CTNNB1: variants seen among roughly 807,000 people sequenced by gnomAD.
CTNNB1 encodes catenin beta-1.
A neutral mutation model predicts 82.5 loss-of-function variants in CTNNB1; 6 were observed. The observed-to-expected ratio is 0.07, with a 90% CI of 0.04 to 0.14. The LOEUF is 0.14. Ranked by LOEUF, CTNNB1 falls within the 10% of genes least tolerant of loss-of-function variation. The pLI is 1.00. For missense variants in CTNNB1, 529 were observed against 980.4 expected (o/e 0.54, Z 6.15); for synonymous variants, 312 against 329.7 (o/e 0.95, Z 0.58).
chr3:41,233,476 T>A (rs2125638289), intron 8 of CTNNB1, 32 bp downstream of exon 8: 1 of 1,613,498 alleles, frequency 6.2e-7, no homozygotes, highest in South Asian at 1.1e-5. Context: ...GCCATGGGAA[T>A]AGAGTCAAGA....
chr3:41,216,473 TAA>T (rs1167473739), intron 1 of CTNNB1, among the ~76,000 whole-genome samples: 1 of 152,226 alleles, frequency 6.6e-6, no homozygotes, highest in East Asian at 1.9e-4. Context: ...TTGACACATG[TAA>T]AGTGACATTT....
At chr3:41,222,193 G>T (rs1575311592) in intron 1 of CTNNB1, 1 of 152,350 alleles carries the variant, frequency 6.6e-6, no homozygotes, top group East Asian at 1.9e-4. Flanking sequence ...TTAGTCCAAA[G>T]GCTCAGGCCA....
rs747095467 is a variant in CTNNB1 at position 41,225,655 on chromosome 3, C to T, written c.735-5C>T. 4.3e-6 allele frequency: 7 copies of T among 1,614,066 alleles called. No homozygotes were observed. The East Asian group carries it at 1.3e-4, about 31-fold the overall frequency. On this transcript the variant is annotated splice_region_variant and splice_polypyrimidine_tract_variant and intron_variant, in intron 5 of 14. Coordinates refer to ENST00000349496, the MANE Select transcript of CTNNB1 (RefSeq NM_001904.4). The surrounding 1 kb of genome is among the most constrained non-coding windows in gnomAD (Gnocchi z 5.3). ...TTTCTGATGAGGCTTTTTTCTTCTT[C>T]CCAGTTCACCAGTGGATTCTGTGTT... is the stretch of plus-strand genomic sequence containing the variant.
rs2125657063 is a variant in CTNNB1 at position 41,240,424 on chromosome 3, A to ATTAAACTTTTAATTCATTC, written c.*1083_*1101dup. 1 of 180,300 alleles carries ATTAAACTTTTAATTCATTC rather than the reference A, an allele frequency of 5.5e-6. No homozygotes were observed. The highest frequency in any genetic ancestry group is 9.2e-5 in the East Asian group (1 of 10,924). The allele number at this position is 180,300 out of a possible 1,614,324, so 11.2% of individuals were successfully genotyped here. ...ATGCGGTTATAAAAAATGGTTCAGA[A>ATTAAACTTTTAATTCATTC]TTAAACTTTTAATTCATTCGATTGT... On this transcript the variant is annotated 3_prime_UTR_variant, in exon 15 of 15. Coordinates refer to ENST00000349496, the MANE Select transcript of CTNNB1 (RefSeq NM_001904.4).
At chr3:41,233,101 G>A (rs1268342014) in intron 7 of CTNNB1, 1 of 589,302 alleles carries the variant, frequency 1.7e-6, no homozygotes, top group African/African-American at 1.9e-5. Flanking sequence ...GATAACAAAG[G>A]CTTTTTCGGC....
At position 41,239,035 on chromosome 3, in the gene CTNNB1, T is replaced by G. The variant is rs1182558507; in HGVS notation, c.2138-99T>G. ...TTTCTGACAAGTTTGCTGCTGAACT[T>G]TGGATGCCCTAACCTCAGTGTTAAC... On this transcript the variant is annotated intron_variant, in intron 14 of 14. Transcript: ENST00000349496. The G allele has an allele frequency of 4.9e-6, 5 of 1,013,516 alleles. No homozygotes were observed. In the Admixed American group the frequency reaches 8.7e-5, roughly 18 times the overall value. The allele number at this position is 1,013,516 out of a possible 1,614,324, so 62.8% of individuals were successfully genotyped here. A position where few individuals can be genotyped will look rare whatever the true frequency, so the allele number is the denominator to read the frequency against.
intron 10 of CTNNB1, chr3:41,234,968 C>CA: frequency 6.4e-6 from 1 of 155,620 alleles, no homozygotes; most frequent in South Asian, 2.0e-4. Context: ...TGTATGTACT[C>CA]ATATTGGGGC....
intron 1 of CTNNB1, among the ~76,000 whole-genome samples, chr3:41,215,398 A>AC (rs1413509060): frequency 3.3e-5 from 5 of 150,464 alleles, no homozygotes; most frequent in Admixed American, 2.6e-4. Context: ...AAAAAAAAAA[A>AC]AAAAAACACT....
rs149407393 is a variant in CTNNB1, at chr3:41,230,282, C to T, written c.1081+2930C>T. 3.3e-5 allele frequency among the ~76,000 whole-genome samples: 5 copies of T among 152,212 alleles called. No individual in the cohort carries two copies. The East Asian group carries it at 7.7e-4, about 24-fold the overall frequency. Reference sequence around the variant, plus strand: ...TAACCTGTAATGTAGGCTAAAAATACAGATTTTGAGATTTATTTAATCAGA... The same window carrying T: ...TAACCTGTAATGTAGGCTAAAAATATAGATTTTGAGATTTATTTAATCAGA... On this transcript the variant is annotated intron_variant, in intron 7 of 14. Transcript: ENST00000349496.
chr3:41,199,943 G>A (rs1404125697), intron 1 of CTNNB1: 1 of 129,700 alleles, frequency 7.7e-6, no homozygotes, highest in Non-Finnish European at 1.6e-5. Context: ...GCGTACAGGA[G>A]CCCGGATGGC....
intron 1 of CTNNB1, 126 bp from the exon 2 acceptor site, chr3:41,223,895 C>T: frequency 3.0e-6 from 2 of 672,850 alleles, no homozygotes; most frequent in Non-Finnish European, 5.2e-6. Flanking sequence ...TTTCACTAAC[C>T]TGGTAAAAGA....
At chr3:41,215,382 C>CAAAAAAA (rs35166040) in intron 1 of CTNNB1, among the ~76,000 whole-genome samples, 1 of 48,854 alleles carries the variant, frequency 2.0e-5, no homozygotes, top group Admixed American at 2.8e-4. Flanking sequence ...AACACCATCT[C>CAAAAAAA]AAAAAAAAAA....
rs2125644505 is a variant in CTNNB1, at chr3:41,235,724, G to C, written c.1684G>C (p.Glu562Gln). ...SMGGTQQQFV[E>Q]GVRMEEIVEG... Reference sequence around the variant, plus strand: ...TTGTTAACCATGTTTCTTTTGGCAGGAGGGGGTCCGCATGGAAGAAATAGT... The same window carrying C: ...TTGTTAACCATGTTTCTTTTGGCAGCAGGGGGTCCGCATGGAAGAAATAGT... Residue 562 changes from glutamate to glutamine, a missense_variant and splice_region_variant, in exon 11 of 15, where the codon GAG (glutamate) becomes CAG (glutamine). Glu to Gln is a conservative substitution (Grantham distance 29). This residue lies in a region of CTNNB1 where 411 missense variants were observed against 776.4 expected (regional missense o/e 0.53). Transcript: ENST00000349496. The C allele has an allele frequency of 6.2e-7, 1 of 1,614,138 alleles. No homozygotes were observed. The highest frequency in any genetic ancestry group is 1.1e-5 in the South Asian group (1 of 91,080).
At chr3:41,203,361 C>G (rs1042039825) in intron 1 of CTNNB1, among the ~76,000 whole-genome samples, 6 of 151,954 alleles carry the variant, frequency 3.9e-5, no homozygotes, top group Non-Finnish European at 8.8e-5. Context: ...GTCTTCTCAG[C>G]CAATATTTGC....
intron 7 of CTNNB1, 26 bp downstream of exon 7, chr3:41,227,378 C>T (rs2125628569): frequency 6.2e-7 from 1 of 1,611,708 alleles, no homozygotes; most frequent in Non-Finnish European, 8.5e-7. Flanking sequence ...TATTCTGAGT[C>T]TTGTGTATAG....
rs2125644782 is a variant in CTNNB1, at chr3:41,235,776, T to C, written c.1736T>C (p.Ile579Thr). 6.2e-7 allele frequency: 1 copy of C among 1,614,142 alleles called. No homozygotes were observed. Among genetic ancestry groups the C allele is most frequent in the Non-Finnish European group, 8.5e-7 (1 of 1,179,974 alleles). Residue 579 changes from isoleucine to threonine, a missense_variant, in exon 11 of 15, where the codon ATC becomes ACC. Coordinates refer to ENST00000349496, the MANE Select transcript of CTNNB1 (RefSeq NM_001904.4). ...GAAGGTTGTACCGGAGCCCTTCACATCCTAGCTCGGGATGTTCACAACCGA... is the reference window on the plus strand; with the variant it reads ...GAAGGTTGTACCGGAGCCCTTCACACCCTAGCTCGGGATGTTCACAACCGA... ...IVEGCTGALH[I>T]LARDVHNRIV...
rs772282897 is a variant in CTNNB1, at chr3:41,239,376, G to T, written c.*34G>T. 6.3e-6 allele frequency: 10 copies of T among 1,587,596 alleles called. No individual in the cohort carries two copies. The South Asian group carries it at 1.1e-4, about 18-fold the overall frequency. ...TTAGGTAAGAAGTTTTAAAAAGCCA[G>T]TTTGGGTAAAATACTTTTACTCTGC... is the stretch of plus-strand genomic sequence containing the variant. On this transcript the variant is annotated 3_prime_UTR_variant, in exon 15 of 15. Coordinates refer to ENST00000349496, the MANE Select transcript of CTNNB1 (RefSeq NM_001904.4).
chr3:41,229,282 T>C (rs750920521), intron 7 of CTNNB1, among the ~76,000 whole-genome samples: 2 of 152,206 alleles, frequency 1.3e-5, no homozygotes, highest in Non-Finnish European at 2.9e-5. Context: ...ATTGAATCTG[T>C]GAATTGCTTT....
intron 1 of CTNNB1, among the ~76,000 whole-genome samples, chr3:41,208,924 C>G (rs1315524484): frequency 2.0e-5 from 3 of 152,192 alleles, no homozygotes; most frequent in Non-Finnish European, 2.9e-5. Flanking sequence ...TCAGTCTCTG[C>G]TTCTCTTTCC....
Sources: allele counts gnomAD v4.1 joint callset (sites outside exome capture counted in the v4.1 genomes callset), GRCh38; gene constraint gnomAD v4.1.1; regional missense constraint gnomAD v4.1.1; non-coding constraint Gnocchi (gnomAD v3.1); transcripts MANE v1.5; gene names NCBI Gene and HGNC (gene_info 2026-07-23, HGNC 2026-07-21).